The following TULP4 variants were observed in gnomAD, a reference collection of about 807,000 sequenced individuals.
TULP4 encodes TUB like protein 4.
Under a neutral mutation model 129.0 loss-of-function variants are expected in TULP4, and 16 were observed. The ratio of observed to expected loss-of-function variants is 0.12; its 90% CI spans 0.08 to 0.19. The LOEUF is 0.19. TULP4 is among the 10% of genes least tolerant of loss of function. The pLI is 1.00. For missense variants in TULP4, 1,842 were observed against 2,059.1 expected (o/e 0.89, Z 2.04); for synonymous variants, 998 against 854.0 (o/e 1.17, Z -2.94).
At chr6:158,386,478 A>C (rs1470592040) in intron 1 of TULP4, among the ~76,000 whole-genome samples, 1 of 152,206 alleles carries the variant, frequency 6.6e-6, no homozygotes, top group Admixed American at 6.5e-5. Context: ...TTCAAAGAAT[A>C]AAACTTGCAT....
At chr6:158,295,499 G>T (rs531500898) in intron 1 of TULP4, among the ~76,000 whole-genome samples, 95 of 152,052 alleles carry the variant, frequency 6.2e-4, no homozygotes, top group Non-Finnish European at 7.2e-4. Flanking sequence ...AAACTTACTT[G>T]TTGTGAGATA....
At chr6:158,392,790 ATTTCTTTT>A (rs1414057522) in intron 1 of TULP4, among the ~76,000 whole-genome samples, 678 of 38,620 alleles carry the variant, frequency 0.018, 21 homozygotes, top group African/African-American at 0.064. Flanking sequence ...TTAAATTTGT[ATTTCTTTT>A]TTTTTTTTTT....
chr6:158,242,390 C>T lies in TULP4; in HGVS notation n.68+10087C>T, dbSNP rs1332664688. ...CTGCTGAAGGGTTTGTTTTCCTCTC[C>T]TCATCATAAGCATCGTGGGAGTTTC... On this transcript the variant is annotated intron_variant and non_coding_transcript_variant, in intron 1 of 1. Coordinates refer to the TULP4 transcript ENST00000620026. 2.8e-5 allele frequency: 42 copies of T among 1,477,886 alleles called. No homozygotes were observed. In the East Asian group the frequency reaches 8.8e-4, roughly 31 times the overall value. 91.5% of individuals were successfully genotyped at this position (1,477,886 alleles called of 1,614,324 possible). A position where few individuals can be genotyped will look rare whatever the true frequency, so the allele number is the denominator to read the frequency against.
intron 1 of TULP4, among the ~76,000 whole-genome samples, chr6:158,381,677 G>C (rs1777329533): frequency 6.6e-6 from 1 of 152,108 alleles, no homozygotes; most frequent in Non-Finnish European, 1.5e-5. Context: ...GGCTGTGTAG[G>C]GTGGATTTTG....
intron 1 of TULP4, among the ~76,000 whole-genome samples, chr6:158,294,864 C>T (rs764438419): frequency 1.3e-5 from 2 of 152,082 alleles, no homozygotes; most frequent in Non-Finnish European, 2.9e-5. Flanking sequence ...CCTGAGTAGC[C>T]GGGACTACAG....
At chr6:158,402,386 T>G (rs1257295844) in intron 1 of TULP4, among the ~76,000 whole-genome samples, 1 of 152,220 alleles carries the variant, frequency 6.6e-6, no homozygotes, top group Non-Finnish European at 1.5e-5. Flanking sequence ...TTAGAGAGGA[T>G]GTGGATGGAG....
At chr6:158,292,529 G>T (rs184273773) in intron 1 of TULP4, among the ~76,000 whole-genome samples, 143 of 152,180 alleles carry the variant, frequency 9.4e-4, no homozygotes, top group African/African-American at 3.3e-3. Flanking sequence ...GTGTGCAGAG[G>T]CCCTTTCAGA....
At chr6:158,447,225 C>T (rs341132) in intron 3 of TULP4, among the ~76,000 whole-genome samples, 16,142 of 152,212 alleles carry the variant, frequency 0.11, 1,201 homozygotes, top group Non-Finnish European at 0.15. Context: ...ACCCATGCTC[C>T]GGTGTCTTGA....
Position 158,414,186 on chromosome 6 carries a change from T to C in TULP4, c.381+993T>C, listed in dbSNP as rs530391096. Among the ~76,000 whole-genome samples the C allele has an allele frequency of 1.1e-4, 17 of 152,300 alleles. No individual in the cohort carries two copies. The South Asian group carries it at 3.3e-3, about 30-fold the overall frequency. On this transcript the variant is annotated intron_variant, in intron 2 of 13. Coordinates refer to ENST00000367097, the MANE Select transcript of TULP4 (RefSeq NM_020245.5). The stretch of plus-strand genomic sequence containing the variant: ...AAAACAGCATTTTTTTCTGAGTTGA[T>C]TTGGTAGAGTAAATGTAATAATATT...
At chr6:158,409,507 A>G (rs1177624030) in intron 1 of TULP4, among the ~76,000 whole-genome samples, 1 of 152,166 alleles carries the variant, frequency 6.6e-6, no homozygotes, top group Non-Finnish European at 1.5e-5. Context: ...GCGCAGATCC[A>G]TGGCCCCATA....
intron 9 of TULP4, among the ~76,000 whole-genome samples, chr6:158,492,821 G>C (rs1159486827): frequency 6.6e-6 from 1 of 152,112 alleles, no homozygotes. Context: ...TAATCACACT[G>C]TCTTTGGGGT....
chr6:158,369,802 G>A (rs964281374), intron 1 of TULP4, among the ~76,000 whole-genome samples: 1 of 152,112 alleles, frequency 6.6e-6, no homozygotes, highest in Non-Finnish European at 1.5e-5. Flanking sequence ...GAACTAGGTG[G>A]CAAGCAGACA....
chr6:158,430,280 C>T (rs369024996), intron 3 of TULP4, among the ~76,000 whole-genome samples: 2 of 151,816 alleles, frequency 1.3e-5, no homozygotes, highest in East Asian at 3.9e-4. Flanking sequence ...AGAAGCCCAT[C>T]CACATGGTAA....
At chr6:158,334,525 A>C (rs145659777) in intron 1 of TULP4, among the ~76,000 whole-genome samples, 11 of 152,248 alleles carry the variant, frequency 7.2e-5, no homozygotes, top group African/African-American at 2.7e-4. Flanking sequence ...AGCAATAGAC[A>C]TGAGTAAATA....
chr6:158,443,826 TG>T (rs1320732307), intron 3 of TULP4, among the ~76,000 whole-genome samples: 1 of 152,122 alleles, frequency 6.6e-6, no homozygotes, highest in Non-Finnish European at 1.5e-5. Flanking sequence ...CATTTACAAC[TG>T]TCTGATTTCA....
intron 1 of TULP4, among the ~76,000 whole-genome samples, chr6:158,290,742 A>G (rs1778922667): frequency 6.6e-6 from 1 of 151,892 alleles, no homozygotes; most frequent in African/African-American, 2.4e-5. Flanking sequence ...TAAAGGCCTT[A>G]GAGTACTTTT....
In TULP4 at chr6:158,493,310, G is replaced by A. The variant is rs951974883; in HGVS notation, c.1632-263G>A. On this transcript the variant is annotated intron_variant, in intron 9 of 13. Coordinates refer to ENST00000367097, the MANE Select transcript of TULP4 (RefSeq NM_020245.5). The surrounding 1 kb of genome is among the most constrained non-coding windows in gnomAD (Gnocchi z 4.4). ...TCCTCCTGCCTCAGCCTCCCAAGCAGCTGGGACTGCAGGTGTGTGCCACCA... is the reference window on the plus strand; with the variant it reads ...TCCTCCTGCCTCAGCCTCCCAAGCAACTGGGACTGCAGGTGTGTGCCACCA... Among the ~76,000 whole-genome samples the A allele has an allele frequency of 2.0e-5, 3 of 152,190 alleles. No homozygotes were observed. The highest frequency in any genetic ancestry group is 7.2e-5 in the African/African-American group (3 of 41,432).
At chr6:158,409,503 A>G (rs1005201771) in intron 1 of TULP4, among the ~76,000 whole-genome samples, 1 of 152,124 alleles carries the variant, frequency 6.6e-6, no homozygotes, top group African/African-American at 2.4e-5. Flanking sequence ...AACTGCGCAG[A>G]TCCATGGCCC....
In TULP4 at chr6:158,506,631, T is replaced by C; in HGVS notation, c.4569T>C (p.Tyr1523=). ...GTGCGTACATTCTAGACTTCCAGTA[T>C]CCGTTCTCAGCCGTGCAGGCCTTTG... ...DGSAYILDFQ[Y]PFSAVQAFAV... is the part of the protein sequence containing the mutation. The change falls in exon 14 of 14, where the codon TAT becomes TAC. Residue 1523 remains tyrosine (Y), a synonymous_variant. Coordinates refer to ENST00000367097, the MANE Select transcript of TULP4 (RefSeq NM_020245.5). 6.2e-7 allele frequency: 1 copy of C among 1,614,138 alleles called. No individual in the cohort carries two copies. Among genetic ancestry groups the C allele is most frequent in the Non-Finnish European group, 8.5e-7 (1 of 1,179,978 alleles).
Sources: allele counts gnomAD v4.1 joint callset (sites outside exome capture counted in the v4.1 genomes callset), GRCh38; gene constraint gnomAD v4.1.1; non-coding constraint Gnocchi (gnomAD v3.1); transcripts MANE v1.5; gene names NCBI Gene and HGNC (gene_info 2026-07-23, HGNC 2026-07-21).